PCDH9: variants seen among roughly 807,000 people sequenced by gnomAD.
The protein encoded by PCDH9 is protocadherin-9.
Under a neutral mutation model 70.6 loss-of-function variants are expected in PCDH9, and 24 were observed. The ratio of observed to expected loss-of-function variants is 0.34; its 90% CI spans 0.25 to 0.48. The LOEUF (loss-of-function observed/expected upper bound fraction) is 0.48, where lower values mean the gene tolerates loss of function less well. PCDH9 is among the 20% of genes least tolerant of loss of function. The pLI is 0.99. For synonymous variants in PCDH9, 562 were observed against 558.5 expected (o/e 1.01, Z -0.09); for missense variants, 1,281 against 1,503.6 (o/e 0.85, Z 2.45).
intron 2 of PCDH9, among the ~76,000 whole-genome samples, chr13:66,934,541 CAAAAAAA>C (rs553566707): frequency 2.2e-5 from 1 of 45,954 alleles, no homozygotes; most frequent in Non-Finnish European, 4.7e-5. Flanking sequence ...AACTCAGTCC[CAAAAAAA>C]AAAAAAAAAG....
intron 2 of PCDH9, among the ~76,000 whole-genome samples, chr13:66,997,597 C>A (rs917169485): frequency 3.0e-4 from 45 of 152,212 alleles, no homozygotes; most frequent in African/African-American, 1.1e-3. Flanking sequence ...TGAAGTGGCA[C>A]AATCTTGGCT....
At chr13:66,964,563 T>C (rs1010968778) in intron 2 of PCDH9, among the ~76,000 whole-genome samples, 2 of 152,006 alleles carry the variant, frequency 1.3e-5, no homozygotes, top group Non-Finnish European at 2.9e-5. Context: ...TCTATTTATA[T>C]CTCAATCTAT....
At chr13:66,543,335 C>T (rs1219163709) in intron 4 of PCDH9, among the ~76,000 whole-genome samples, 1 of 152,054 alleles carries the variant, frequency 6.6e-6, no homozygotes, top group Non-Finnish European at 1.5e-5. Context: ...CTTTGGGAGG[C>T]TGAGGCAGGT....
chr13:66,422,531 T>C (rs1473136200), intron 4 of PCDH9, among the ~76,000 whole-genome samples: 1 of 152,190 alleles, frequency 6.6e-6, no homozygotes, highest in Non-Finnish European at 1.5e-5. Context: ...ACATGGAAAC[T>C]GAACAACCTA....
chr13:67,012,121 C>G (rs2139842475), intron 2 of PCDH9, among the ~76,000 whole-genome samples: 1 of 151,856 alleles, frequency 6.6e-6, no homozygotes, highest in Non-Finnish European at 1.5e-5. Flanking sequence ...TTTGGCAAAT[C>G]TGAAATCATT....
At chr13:66,358,358 G>T (rs561385973) in intron 4 of PCDH9, among the ~76,000 whole-genome samples, 11 of 151,938 alleles carry the variant, frequency 7.2e-5, no homozygotes, top group Non-Finnish European at 1.3e-4. Context: ...TGTCTTAGAA[G>T]TAATTTAGCA....
intron 2 of PCDH9, among the ~76,000 whole-genome samples, chr13:66,906,862 CA>C (rs2082370002): frequency 6.6e-6 from 1 of 151,960 alleles, no homozygotes; most frequent in Non-Finnish European, 1.5e-5. Context: ...TCCTCCCTAA[CA>C]AATTTCTACT....
intron 3 of PCDH9, among the ~76,000 whole-genome samples, chr13:66,790,654 T>C (rs896634434): frequency 1.3e-4 from 20 of 152,158 alleles, no homozygotes; most frequent in Non-Finnish European, 2.5e-4. Context: ...CTTTCATCAA[T>C]AGAGTAAATC....
intron 2 of PCDH9, among the ~76,000 whole-genome samples, chr13:67,026,934 A>G (rs2084794132): frequency 6.6e-6 from 1 of 152,234 alleles, no homozygotes; most frequent in Non-Finnish European, 1.5e-5. Context: ...GAAATGGAAG[A>G]ACATTCCACG....
At chr13:67,000,744 C>A (rs557540674) in intron 2 of PCDH9, among the ~76,000 whole-genome samples, 1 of 152,052 alleles carries the variant, frequency 6.6e-6, no homozygotes, top group Non-Finnish European at 1.5e-5. Flanking sequence ...AAACTAATAC[C>A]ATTCTTAATT....
chr13:67,172,216 T>C (rs1481119195), intron 2 of PCDH9, among the ~76,000 whole-genome samples: 1 of 152,152 alleles, frequency 6.6e-6, no homozygotes, highest in Non-Finnish European at 1.5e-5. Flanking sequence ...AGCATGATTG[T>C]TCTCACGGCA....
chr13:66,563,015 T>C (rs75007554), intron 4 of PCDH9, among the ~76,000 whole-genome samples: 17,879 of 152,128 alleles, frequency 0.12, 1,239 homozygotes, highest in Middle Eastern at 0.22. Context: ...TTAAAAGCTT[T>C]ATTTCCTTAT....
At chr13:66,431,964 A>G (rs1297280102) in intron 4 of PCDH9, among the ~76,000 whole-genome samples, 1 of 152,046 alleles carries the variant, frequency 6.6e-6, no homozygotes, top group Non-Finnish European at 1.5e-5. Flanking sequence ...TAACAACAGT[A>G]TTCAATTTAG....
chr13:66,403,147 A>AT (rs202133371), intron 4 of PCDH9, among the ~76,000 whole-genome samples: 2,083 of 150,264 alleles, frequency 0.014, 25 homozygotes, highest in East Asian at 0.075. Context: ...CAATTTATTC[A>AT]TTTTTTTTTC....
At chr13:67,130,440 A>G (rs1271708581) in intron 2 of PCDH9, among the ~76,000 whole-genome samples, 1 of 152,172 alleles carries the variant, frequency 6.6e-6, no homozygotes, top group Admixed American at 6.6e-5. Context: ...CTAAAATCTA[A>G]AAAAGGTATT....
At chr13:66,662,059 GTGTA>G (rs1566489273) in intron 3 of PCDH9, among the ~76,000 whole-genome samples, 1 of 151,976 alleles carries the variant, frequency 6.6e-6, no homozygotes, top group Non-Finnish European at 1.5e-5. Context: ...GTGTGTGTGT[GTGTA>G]TGTGTGTATG....
intron 4 of PCDH9, among the ~76,000 whole-genome samples, chr13:66,332,278 G>C (rs1029884220): frequency 5.3e-5 from 8 of 152,074 alleles, no homozygotes; most frequent in African/African-American, 1.9e-4. Flanking sequence ...AAGAAGTAAG[G>C]TGTATGCCAG....
At chr13:66,939,228 T>C (rs1304654168) in intron 2 of PCDH9, among the ~76,000 whole-genome samples, 1 of 152,204 alleles carries the variant, frequency 6.6e-6, no homozygotes, top group Non-Finnish European at 1.5e-5. Flanking sequence ...TATTGTTTTT[T>C]CTTAAATATA....
Position 66,956,339 on chromosome 13 carries a change from C to T in PCDH9, c.3037-52734G>A, listed in dbSNP as rs2083264636. Among the ~76,000 whole-genome samples, 3 of 152,116 alleles carry T rather than the reference C, an allele frequency of 2.0e-5. No individual in the cohort carries two copies. The South Asian group carries it at 6.2e-4, about 32-fold the overall frequency. Reference sequence around the variant, plus strand: ...TGGAGATGATGTGTTAAATAGCCCCCAAGGTGACCTTAGTAATGACTGAGC... The same window carrying T: ...TGGAGATGATGTGTTAAATAGCCCCTAAGGTGACCTTAGTAATGACTGAGC... On this transcript the variant is annotated intron_variant, in intron 2 of 4. Transcript: ENST00000377865.
Sources: allele counts gnomAD v4.1 joint callset (sites outside exome capture counted in the v4.1 genomes callset), GRCh38; gene constraint gnomAD v4.1.1; transcripts MANE v1.5; gene names NCBI Gene and HGNC (gene_info 2026-07-23, HGNC 2026-07-21).